The following RBFOX1 variants were observed in gnomAD, a reference collection of about 807,000 sequenced individuals.
The protein encoded by RBFOX1 is RNA binding protein fox-1 homolog 1.
In RBFOX1, 8 loss-of-function variants were observed where a neutral mutation model predicts 57.7. The ratio of observed to expected loss-of-function variants is 0.14; its 90% confidence interval spans 0.08 to 0.25. The LOEUF (loss-of-function observed/expected upper bound fraction) is 0.25. Ranked by LOEUF, RBFOX1 falls within the 10% of genes least tolerant of loss-of-function variation. The pLI is 1.00. For synonymous variants in RBFOX1, 326 were observed against 222.4 expected, an observed-to-expected ratio of 1.47 and a Z score of -4.15; for missense variants, 611 against 548.5, an observed-to-expected ratio of 1.11 and a Z score of -1.14.
At chr16:7,006,809 A>T (rs1044120891) in intron 3 of RBFOX1, among the ~76,000 whole-genome samples, 8 of 152,166 alleles carry the variant, frequency 5.3e-5, no homozygotes, top group African/African-American at 1.4e-4. Context: ...AAGTTAAGTC[A>T]CCTGCCCAAG....
intron 1 of RBFOX1, among the ~76,000 whole-genome samples, chr16:5,331,525 C>T (rs1407643212): frequency 6.6e-6 from 1 of 152,236 alleles, no homozygotes; most frequent in East Asian, 1.9e-4. Flanking sequence ...CCAGGCATGT[C>T]CTTCTTAGGG....
At chr16:7,462,875 T>G (rs148711146) in intron 4 of RBFOX1, among the ~76,000 whole-genome samples, 3 of 152,186 alleles carry the variant, frequency 2.0e-5, no homozygotes, top group Non-Finnish European at 4.4e-5. Flanking sequence ...CTGACTCTAG[T>G]TGGAGAAAGT....
chr16:7,156,965 A>T (rs570619201), intron 4 of RBFOX1, among the ~76,000 whole-genome samples: 50 of 152,294 alleles, frequency 3.3e-4, no homozygotes, highest in African/African-American at 1.2e-3. Flanking sequence ...AAGTGCCTTT[A>T]AAAAAACACT....
chr16:6,806,359 A>G (rs1365747913), intron 3 of RBFOX1, among the ~76,000 whole-genome samples: 2 of 152,194 alleles, frequency 1.3e-5, no homozygotes, highest in African/African-American at 2.4e-5. Flanking sequence ...GTTTTGAAAG[A>G]TGGAATGAGA....
chr16:5,702,309 C>T (rs1464242691), intron 3 of RBFOX1, among the ~76,000 whole-genome samples: 3 of 152,068 alleles, frequency 2.0e-5, no homozygotes, highest in Admixed American at 1.3e-4. Context: ...GGGGATGTGC[C>T]CCACACTTTT....
chr16:6,673,056 C>T (rs866798079), intron 3 of RBFOX1, among the ~76,000 whole-genome samples: 1 of 152,192 alleles, frequency 6.6e-6, no homozygotes, highest in Non-Finnish European at 1.5e-5. Context: ...AGAAAAACCA[C>T]AGTGCTTCTT....
chr16:5,984,886 A>G (rs1177282830), intron 4 of RBFOX1, among the ~76,000 whole-genome samples: 2 of 150,572 alleles, frequency 1.3e-5, no homozygotes, highest in East Asian at 1.9e-4. Context: ...ACACCTAAAC[A>G]TAGAAAAGGT....
intron 3 of RBFOX1, among the ~76,000 whole-genome samples, chr16:6,702,317 G>A (rs2061978971): frequency 6.6e-6 from 1 of 152,138 alleles, no homozygotes; most frequent in Admixed American, 6.6e-5. Context: ...ACTTTGGAAG[G>A]CCGAGGCAGG....
chr16:6,287,797 A>G (rs958864051), intron 1 of RBFOX1, among the ~76,000 whole-genome samples: 1 of 152,148 alleles, frequency 6.6e-6, no homozygotes, highest in African/African-American at 2.4e-5. Flanking sequence ...ATTTACCTAT[A>G]TGTGGAGGAA....
rs189273465 is a variant in RBFOX1 at position 7,647,760 on chromosome 16, G to T, written c.758-6055G>T. Among the ~76,000 whole-genome samples the T allele has an allele frequency of 2.6e-3, 390 of 152,164 alleles. 2 individuals are homozygous for T. The highest frequency in any genetic ancestry group is 9.0e-3 in the African/African-American group (375 of 41,512). ...AGTTTCCACTGGGCATTTTGCATTG[G>T]CTTTATTAAATAGTCATTCATTGCC... On this transcript the variant is annotated intron_variant, in intron 11 of 15. Transcript: ENST00000550418.
intron 4 of RBFOX1, among the ~76,000 whole-genome samples, chr16:7,139,172 C>CTGTGTG (rs1466048089): frequency 1.2e-4 from 2 of 16,572 alleles, no homozygotes; most frequent in African/African-American, 4.3e-4. Context: ...AAATCAATCT[C>CTGTGTG]TCTCTGTGTG....
intron 3 of RBFOX1, among the ~76,000 whole-genome samples, chr16:6,755,673 T>G (rs190209549): frequency 4.6e-5 from 7 of 152,316 alleles, no homozygotes; most frequent in Admixed American, 4.6e-4. Context: ...TTTAATCACT[T>G]TGCTATAAAT....
intron 4 of RBFOX1, among the ~76,000 whole-genome samples, chr16:7,062,800 C>T (rs1598459323): frequency 6.6e-6 from 1 of 150,868 alleles, no homozygotes; most frequent in South Asian, 2.1e-4. Context: ...CAGGGCTAGA[C>T]CTCAGATTCA....
At chr16:6,598,000 T>G (rs141072773) in intron 2 of RBFOX1, among the ~76,000 whole-genome samples, 28 of 152,332 alleles carry the variant, frequency 1.8e-4, no homozygotes, top group African/African-American at 6.5e-4. Flanking sequence ...AGGGCTGCCT[T>G]TTATTCTGGA....
chr16:7,073,062 A>G (rs1318465175), intron 4 of RBFOX1, among the ~76,000 whole-genome samples: 2 of 152,172 alleles, frequency 1.3e-5, no homozygotes, highest in Non-Finnish European at 2.9e-5. Flanking sequence ...GGGTAGAGGT[A>G]GTACAGGTTG....
chr16:7,094,967 G>T (rs748588285), intron 4 of RBFOX1, among the ~76,000 whole-genome samples: 2 of 152,016 alleles, frequency 1.3e-5, no homozygotes, highest in Non-Finnish European at 1.5e-5. Context: ...GTAAACATCA[G>T]TGTAAACATC....
At chr16:6,654,469 C>A in intron 2 of RBFOX1, 134 bp from the exon 3 acceptor site, 1 of 678,704 alleles carries the variant, frequency 1.5e-6, no homozygotes, top group Non-Finnish European at 2.4e-6. Context: ...AGCAATGACT[C>A]GAGAAAGAAC....
chr16:5,579,902 G>T (rs191906416), intron 2 of RBFOX1, among the ~76,000 whole-genome samples: 102 of 152,060 alleles, frequency 6.7e-4, no homozygotes, highest in Admixed American at 3.7e-3. Context: ...TGGGATTACA[G>T]GTGCCTGCCA....
intron 3 of RBFOX1, among the ~76,000 whole-genome samples, chr16:6,875,823 G>A (rs921453413): frequency 7.9e-5 from 12 of 152,022 alleles, no homozygotes; most frequent in African/African-American, 2.7e-4. Flanking sequence ...TGGGGAACAT[G>A]GTGAAACCTC....
Sources: allele counts gnomAD v4.1 joint callset (sites outside exome capture counted in the v4.1 genomes callset), GRCh38; gene constraint gnomAD v4.1.1; transcripts MANE v1.5; gene names NCBI Gene and HGNC (gene_info 2026-07-23, HGNC 2026-07-21).